The following ABCC9 variants were observed in gnomAD, a reference collection of about 807,000 sequenced individuals.
The protein encoded by ABCC9 is ATP-binding cassette sub-family C member 9.
In ABCC9, 95 loss-of-function variants were observed where a neutral mutation model predicts 188.3. The ratio of observed to expected loss-of-function variants is 0.50; its 90% CI spans 0.43 to 0.60. ABCC9 has a LOEUF of 0.60. Ranked by LOEUF, ABCC9 falls within the 20% of genes least tolerant of loss-of-function variation. The pLI is 0.00. For synonymous variants in ABCC9, 659 were observed against 652.7 expected, an observed-to-expected ratio of 1.01 and a Z score of -0.15; for missense variants, 1,102 against 1,876.3, an observed-to-expected ratio of 0.59 and a Z score of 7.62.
chr12:21,880,783 C>G (rs1233788933), intron 16 of ABCC9, among the ~76,000 whole-genome samples: 2 of 152,040 alleles, frequency 1.3e-5, no homozygotes, highest in Non-Finnish European at 1.5e-5. Context: ...TGTAAATTGG[C>G]ACCATCACTT....
chr12:21,803,020 T>C (rs970630342), intron 39 of ABCC9, among the ~76,000 whole-genome samples: 2 of 151,978 alleles, frequency 1.3e-5, no homozygotes. Flanking sequence ...TGAATATTGG[T>C]AACAAATTAT....
At chr12:21,822,566 A>G (rs1248959513) in intron 31 of ABCC9, among the ~76,000 whole-genome samples, 2 of 152,054 alleles carry the variant, frequency 1.3e-5, no homozygotes, top group Non-Finnish European at 2.9e-5. Flanking sequence ...TTGGGAGGTC[A>G]AGGCGGTCAG....
chr12:21,880,784 AC>A (rs1290363501), intron 16 of ABCC9, among the ~76,000 whole-genome samples: 6 of 152,258 alleles, frequency 3.9e-5, no homozygotes, highest in African/African-American at 1.4e-4. Context: ...GTAAATTGGC[AC>A]CATCACTTTG....
chr12:21,817,663 C>T (rs1459074594), intron 32 of ABCC9, among the ~76,000 whole-genome samples: 1 of 152,098 alleles, frequency 6.6e-6, no homozygotes, highest in Non-Finnish European at 1.5e-5. Flanking sequence ...TCCCAAACAG[C>T]TTGGAGAGTA....
At chr12:21,833,363 G>A (rs776421180) in intron 30 of ABCC9, among the ~76,000 whole-genome samples, 1 of 151,870 alleles carries the variant, frequency 6.6e-6, no homozygotes, top group African/African-American at 2.4e-5. Flanking sequence ...TAGAAGTTGA[G>A]TTGTCTTTTG....
In ABCC9 at chr12:21,875,634, G is replaced by A; in HGVS notation, c.2092+20C>T. ...TACGGTCATGAACAATTACAAAAATGCATAACAGATAACTCTTACCTGTTG... is the reference window on the plus strand; with the variant it reads ...TACGGTCATGAACAATTACAAAAATACATAACAGATAACTCTTACCTGTTG... On this transcript the variant is annotated intron_variant, in intron 17 of 39. Coordinates refer to ENST00000261200, the MANE Select transcript of ABCC9 (RefSeq NM_020297.4). 2.6e-6 allele frequency: 4 copies of A among 1,554,606 alleles called. No individual in the cohort carries two copies. Among genetic ancestry groups the A allele is most frequent in the Non-Finnish European group, 3.6e-6 (4 of 1,126,036 alleles).
chr12:21,920,371 T>G (rs938340037), intron 5 of ABCC9, among the ~76,000 whole-genome samples: 4 of 152,068 alleles, frequency 2.6e-5, no homozygotes, highest in African/African-American at 9.7e-5. Flanking sequence ...TAACTAAAAG[T>G]AATAAGTGAA....
chr12:21,802,846 G>T (rs751681364), intron 39 of ABCC9, among the ~76,000 whole-genome samples: 44 of 152,212 alleles, frequency 2.9e-4, no homozygotes, highest in Non-Finnish European at 5.7e-4. Context: ...TCTGCCCTGG[G>T]CCATGTAGAT....
At chr12:21,899,047 CT>C (rs2137776870) in intron 12 of ABCC9, among the ~76,000 whole-genome samples, 1 of 152,190 alleles carries the variant, frequency 6.6e-6, no homozygotes, top group Non-Finnish European at 1.5e-5. Flanking sequence ...ATTTTTAACC[CT>C]TTTCCCGTTT....
At position 21,887,819 on chromosome 12, in the gene ABCC9, C is replaced by T; in HGVS notation, c.1911+7G>A. Reference sequence around the variant, plus strand: ...CACAACTTCCAAAACAAAAATAAAGCACTTACAACTCCAGTGTGCTTCTTA... The same window carrying T: ...CACAACTTCCAAAACAAAAATAAAGTACTTACAACTCCAGTGTGCTTCTTA... On this transcript the variant is annotated splice_region_variant and intron_variant, in intron 15 of 39. Coordinates refer to ENST00000261200, the MANE Select transcript of ABCC9 (RefSeq NM_020297.4). The T allele has an allele frequency of 1.3e-6, 2 of 1,591,880 alleles. No homozygotes were observed. Among genetic ancestry groups the T allele is most frequent in the Non-Finnish European group, 8.6e-7 (1 of 1,159,926 alleles).
At chr12:21,926,439 C>T (rs545420902) in intron 4 of ABCC9, among the ~76,000 whole-genome samples, 1 of 152,334 alleles carries the variant, frequency 6.6e-6, no homozygotes, top group African/African-American at 2.4e-5. Context: ...CCTTTGACAG[C>T]ACTCCCAACT....
chr12:21,883,132 C>T (rs1415809957), intron 15 of ABCC9, among the ~76,000 whole-genome samples: 1 of 152,060 alleles, frequency 6.6e-6, no homozygotes, highest in Non-Finnish European at 1.5e-5. Flanking sequence ...GTACAGAGTC[C>T]CAAACTAAGT....
chr12:21,826,978 G>T (rs897566253), intron 31 of ABCC9, among the ~76,000 whole-genome samples: 2 of 152,078 alleles, frequency 1.3e-5, no homozygotes, highest in Non-Finnish European at 2.9e-5. Context: ...AGTAACAAAT[G>T]CATTACAAAG....
At chr12:21,900,155 A>G (rs898105835) in intron 12 of ABCC9, among the ~76,000 whole-genome samples, 1 of 152,210 alleles carries the variant, frequency 6.6e-6, no homozygotes, top group Non-Finnish European at 1.5e-5. Context: ...GTTCAGCAAT[A>G]TTCTCTGTTC....
chr12:21,866,717 G>C (rs1945800584), intron 18 of ABCC9, among the ~76,000 whole-genome samples: 1 of 152,194 alleles, frequency 6.6e-6, no homozygotes, highest in Non-Finnish European at 1.5e-5. Flanking sequence ...GATGGGTGAA[G>C]AGTTTCAAAA....
chr12:21,863,693 T>C (rs987263389), intron 19 of ABCC9, among the ~76,000 whole-genome samples: 3 of 152,190 alleles, frequency 2.0e-5, no homozygotes, highest in African/African-American at 7.2e-5. Flanking sequence ...CAGATGTCTA[T>C]ACATCAGACT....
intron 9 of ABCC9, 69 bp downstream of exon 9, chr12:21,910,757 C>G (rs540182183): frequency 7.1e-7 from 1 of 1,412,252 alleles, no homozygotes; most frequent in Non-Finnish European, 9.9e-7. Flanking sequence ...CTGAAGCTAC[C>G]GCTATTCTTT....
chr12:21,815,124 A>G (rs1426674397), intron 34 of ABCC9, among the ~76,000 whole-genome samples: 2 of 152,148 alleles, frequency 1.3e-5, no homozygotes, highest in East Asian at 1.9e-4. Context: ...TCGAGGCTGC[A>G]GTGAGCCGTG....
At chr12:21,805,652 T>C (rs550116717) in intron 39 of ABCC9, among the ~76,000 whole-genome samples, 2 of 152,314 alleles carry the variant, frequency 1.3e-5, no homozygotes, top group South Asian at 2.1e-4. Flanking sequence ...AGGAATTTTC[T>C]TCCTGAAACT....
Sources: allele counts gnomAD v4.1 joint callset (sites outside exome capture counted in the v4.1 genomes callset), GRCh38; gene constraint gnomAD v4.1.1; transcripts MANE v1.5; gene names NCBI Gene and HGNC (gene_info 2026-07-23, HGNC 2026-07-21).